Variants in HACE1 observed in about 807,000 individuals in gnomAD.
HACE1 encodes E3 ubiquitin-protein ligase HACE1.
In HACE1, 73 loss-of-function variants were observed where a neutral mutation model predicts 118.4. The observed-to-expected ratio is 0.62, with a 90% CI of 0.51 to 0.75. The LOEUF is 0.75. HACE1 is among the 30% of genes least tolerant of loss of function. The pLI, the probability that HACE1 is intolerant of heterozygous loss-of-function variation, is 0.00. For synonymous variants in HACE1, 368 were observed against 374.8 expected, an observed-to-expected ratio of 0.98 and a Z score of 0.21; for missense variants, 749 against 1,102.2, an observed-to-expected ratio of 0.68 and a Z score of 4.54.
At chr6:104,810,430 GA>G (rs1328088325) in intron 7 of HACE1, among the ~76,000 whole-genome samples, 5 of 152,114 alleles carry the variant, frequency 3.3e-5, no homozygotes, top group African/African-American at 1.2e-4. Context: ...AAAAAAAGAA[GA>G]AGAGAGGAGC....
At chr6:104,786,576 C>A (rs1432560979) in intron 11 of HACE1, 1 of 146,532 alleles carries the variant, frequency 6.8e-6, no homozygotes, top group African/African-American at 2.6e-5. Flanking sequence ...TATACTCCAG[C>A]CTGGGTGAAA....
intron 10 of HACE1, 126 bp downstream of exon 10, chr6:104,795,453 A>G: frequency 1.4e-6 from 1 of 715,972 alleles, no homozygotes; most frequent in Non-Finnish European, 2.5e-6. Context: ...AAAACAAACC[A>G]GAAGTCAGCA....
chr6:104,765,495 A>C (rs944104375), intron 19 of HACE1, among the ~76,000 whole-genome samples: 40 of 152,228 alleles, frequency 2.6e-4, no homozygotes, highest in Non-Finnish European at 2.9e-5. Flanking sequence ...TTTTAACAGC[A>C]ATATAGACTT....
At chr6:104,850,776 T>A in intron 3 of HACE1, 131 bp downstream of exon 3, 1 of 770,528 alleles carries the variant, frequency 1.3e-6, no homozygotes, top group Admixed American at 1.7e-5. Context: ...CACCACGCGC[T>A]CAAACAGGAT....
chr6:104,756,110 C>T (rs779805211), intron 19 of HACE1, among the ~76,000 whole-genome samples: 2 of 151,784 alleles, frequency 1.3e-5, no homozygotes, highest in Non-Finnish European at 2.9e-5. Flanking sequence ...CACCACTGAC[C>T]CCAAAGAAAT....
chr6:104,773,545 T>C (rs1780861317), intron 17 of HACE1, among the ~76,000 whole-genome samples: 1 of 152,146 alleles, frequency 6.6e-6, no homozygotes. Flanking sequence ...CTTTGTGAGA[T>C]AAAGGCAGAC....
In HACE1 at chr6:104,859,869, C is replaced by T. The variant is rs1037820139; in HGVS notation, c.-227G>A. 50 of 497,314 alleles carry T rather than the reference C, an allele frequency of 1.0e-4. No homozygotes were observed. The Admixed American group carries it at 1.4e-3, about 14-fold the overall frequency. The allele number at this position is 497,314 out of a possible 1,614,324, so 30.8% of individuals were successfully genotyped here. A position where few individuals can be genotyped will look rare whatever the true frequency, so the allele number is the denominator to read the frequency against. ...CACCCGCCGCCGCCTCTGCTCGCGC[C>T]TTTCCTGCAGCCCCCGCCGCCGCGT... On this transcript the variant is annotated 5_prime_UTR_variant, in exon 1 of 24. Coordinates refer to ENST00000262903, the MANE Select transcript of HACE1 (RefSeq NM_020771.4).
chr6:104,806,551 G>A (rs1397057815), intron 7 of HACE1, among the ~76,000 whole-genome samples: 1 of 152,118 alleles, frequency 6.6e-6, no homozygotes, highest in Non-Finnish European at 1.5e-5. Flanking sequence ...GCACAACGCA[G>A]TTAGGGGCTC....
chr6:104,817,894 A>G (rs1772286337), intron 6 of HACE1, among the ~76,000 whole-genome samples: 1 of 152,206 alleles, frequency 6.6e-6, no homozygotes, highest in Non-Finnish European at 1.5e-5. Flanking sequence ...AATAATATCT[A>G]AAAGTCATAA....
At chr6:104,768,917 A>C (rs1406993426) in intron 19 of HACE1, among the ~76,000 whole-genome samples, 1 of 152,158 alleles carries the variant, frequency 6.6e-6, no homozygotes, top group Non-Finnish European at 1.5e-5. Context: ...GATTTCATTA[A>C]AATACACAAA....
intron 19 of HACE1, among the ~76,000 whole-genome samples, chr6:104,751,969 A>AG (rs1491526327): frequency 2.0e-5 from 3 of 149,328 alleles, no homozygotes; most frequent in Non-Finnish European, 4.4e-5. Context: ...AAAAAAAAAC[A>AG]GGGGAAAAAA....
chr6:104,733,388 T>A (rs1014436498), intron 22 of HACE1, among the ~76,000 whole-genome samples: 6 of 152,180 alleles, frequency 3.9e-5, no homozygotes, highest in Middle Eastern at 3.2e-3. Context: ...TGAATAAATA[T>A]GGCTGGCCCC....
chr6:104,754,218 G>T (rs937626895), intron 19 of HACE1, among the ~76,000 whole-genome samples: 1 of 152,068 alleles, frequency 6.6e-6, no homozygotes, highest in African/African-American at 2.4e-5. Context: ...GGAACAAAAA[G>T]GAATGAATAA....
intron 6 of HACE1, among the ~76,000 whole-genome samples, chr6:104,820,038 T>C (rs780853712): frequency 1.1e-4 from 16 of 151,418 alleles, no homozygotes; most frequent in Non-Finnish European, 2.1e-4. Flanking sequence ...CTACTAAAAA[T>C]ACAAAAATTA....
intron 10 of HACE1, among the ~76,000 whole-genome samples, chr6:104,795,372 C>T (rs1180925320): frequency 6.6e-6 from 1 of 152,148 alleles, no homozygotes; most frequent in Admixed American, 6.6e-5. Flanking sequence ...CTGAAGTATG[C>T]TCTATTTTTA....
chr6:104,772,263 T>TA (rs1324923191), intron 17 of HACE1, among the ~76,000 whole-genome samples, 189 bp from the exon 18 acceptor site: 1 of 152,204 alleles, frequency 6.6e-6, no homozygotes, highest in Non-Finnish European at 1.5e-5. Context: ...GTATAGATGA[T>TA]AATCATTTAT....
rs533831848 is a variant in HACE1 at position 104,802,033 on chromosome 6, CA to C, written c.618-5009del. On this transcript the variant is annotated intron_variant, in intron 7 of 23. Coordinates refer to ENST00000262903, the MANE Select transcript of HACE1 (RefSeq NM_020771.4). ...AAGATCTACCAAGCAAACGAAAAGC[CA>C]AAAAAAAAAAAAAAAAAGCAGGGGT... 7.9e-3 allele frequency among the ~76,000 whole-genome samples: 462 copies of C among 58,748 alleles called. 1 individual carries two copies. The highest frequency in any genetic ancestry group is 0.053 in the Middle Eastern group (4 of 76). 38.5% of individuals were successfully genotyped at this position (58,748 alleles called of 152,430 possible). A position where few individuals can be genotyped will look rare whatever the true frequency, so the allele number is the denominator to read the frequency against.
chr6:104,806,166 A>C (rs1399820371), intron 7 of HACE1, among the ~76,000 whole-genome samples: 1 of 152,216 alleles, frequency 6.6e-6, no homozygotes, highest in Non-Finnish European at 1.5e-5. Context: ...ATTTCATTTC[A>C]AAAACAGATT....
At chr6:104,767,504 T>A (rs1331559708) in intron 19 of HACE1, among the ~76,000 whole-genome samples, 2 of 152,186 alleles carry the variant, frequency 1.3e-5, no homozygotes, top group African/African-American at 4.8e-5. Context: ...TTTTTCACAC[T>A]CCAAGCTGAG....
Sources: gnomAD v4.1 joint callset for allele counts (sites outside exome capture counted in the v4.1 genomes callset) on GRCh38, gnomAD v4.1.1 for gene constraint, MANE v1.5 for transcripts, NCBI Gene and HGNC (gene_info 2026-07-23, HGNC 2026-07-21) for gene names.